Variants in PADI3 observed in about 807,000 individuals in gnomAD.
The protein encoded by PADI3 is protein-arginine deiminase type-3.
In PADI3, 53 loss-of-function variants were observed where a neutral mutation model predicts 71.5. The observed-to-expected ratio is 0.74, with a 90% CI of 0.59 to 0.93. The LOEUF is 0.93. Among genes scored for constraint, PADI3 ranks in the 40% least tolerant of loss-of-function variants. The pLI is 0.00. For synonymous variants in PADI3, 361 were observed against 347.5 expected, an observed-to-expected ratio of 1.04 and a Z score of -0.43; for missense variants, 821 against 868.0, an observed-to-expected ratio of 0.95 and a Z score of 0.68.
intron 2 of PADI3, among the ~76,000 whole-genome samples, chr1:17,261,228 C>T (rs995320301): frequency 1.3e-5 from 2 of 152,104 alleles, no homozygotes; most frequent in Admixed American, 1.3e-4. Flanking sequence ...ACTTGGATGC[C>T]TTGGATTCAT....
chr1:17,276,976 G>C, intron 13 of PADI3, 100 bp downstream of exon 13: 1 of 994,316 alleles, frequency 1.0e-6, no homozygotes, highest in Non-Finnish European at 1.5e-6. Context: ...TTTAAAGCAG[G>C]GGTGTGTCCC....
Position 17,250,666 on chromosome 1 carries a change from G to A in PADI3, c.92+1437G>A, listed in dbSNP as rs145140005. On this transcript the variant is annotated intron_variant, in intron 1 of 15. Transcript: ENST00000375460. ...GGTTCTTGAAGGAAGGGGCAGCCAC[G>A]GAGGCTGTGCCAAGGAGGTAATGAG... 7.3e-3 allele frequency among the ~76,000 whole-genome samples: 1,114 copies of A among 152,250 alleles called. 13 individuals are homozygous for A. Among genetic ancestry groups the A allele is most frequent in the African/African-American group, 0.024 (1,006 of 41,544 alleles).
intron 1 of PADI3, among the ~76,000 whole-genome samples, chr1:17,255,011 T>C (rs111616810): frequency 0.093 from 14,052 of 151,848 alleles, 693 homozygotes; most frequent in South Asian, 0.2. Flanking sequence ...CCACTGCGCC[T>C]GGCCCACCAG....
intron 1 of PADI3, among the ~76,000 whole-genome samples, chr1:17,249,486 G>T (rs1184403675): frequency 6.6e-6 from 1 of 152,186 alleles, no homozygotes; most frequent in East Asian, 1.9e-4. Flanking sequence ...GGGGCTTGGA[G>T]GGGGCTGGTG....
rs377010769 is a variant in PADI3, at chr1:17,270,319, G to T, written c.739G>T (p.Glu247Ter). The T allele has an allele frequency of 6.2e-7, 1 of 1,613,858 alleles. No individual in the cohort carries two copies. The highest frequency in any genetic ancestry group is 8.5e-7 in the Non-Finnish European group (1 of 1,180,006). The change falls in exon 7 of 16, where the codon GAG (glutamate) becomes TAG (stop). Residue 247 changes from glutamate to a stop codon, truncating the protein, a stop_gained. Transcript: ENST00000375460. LOFTEE classifies it high-confidence loss of function. ...YEVPRLHGDEERFFVEGLSFP... is the reference protein window; with the variant it reads ...YEVPRLHGDE The stretch of plus-strand genomic sequence containing the variant: ...GGTACCCCGCTTGCATGGGGATGAG[G>T]AGCGCTTCTTCGTGGAAGGCCTGTC...
intron 6 of PADI3, among the ~76,000 whole-genome samples, chr1:17,268,990 A>G (rs1347537774): frequency 6.6e-6 from 1 of 150,818 alleles, no homozygotes; most frequent in Admixed American, 6.6e-5. Context: ...GGCTCAAGCA[A>G]TCCTTCCACC....
At position 17,270,866 on chromosome 1, in the gene PADI3, T is replaced by C. The variant is rs1292665474; in HGVS notation, c.832-13T>C. 6.2e-6 allele frequency: 10 copies of C among 1,604,548 alleles called. No homozygotes were observed. The highest frequency in any genetic ancestry group is 1.1e-5 in the South Asian group (1 of 90,880). ...AAGTCCAGTGCTCTTTCTCCCCTGG[T>C]CTGCCCCTGCAGGATTTCTCGGCAT... On this transcript the variant is annotated splice_polypyrimidine_tract_variant and intron_variant, in intron 7 of 15. Transcript: ENST00000375460.
chr1:17,262,228 G>C, intron 3 of PADI3, 23 bp downstream of exon 3: 1 of 1,575,516 alleles, frequency 6.3e-7, no homozygotes, highest in Non-Finnish European at 8.6e-7. Flanking sequence ...CCATGTTGAT[G>C]GTGTGGCCAA....
chr1:17,280,588 A>G, intron 14 of PADI3, 83 bp from the exon 15 acceptor site: 2 of 1,592,542 alleles, frequency 1.3e-6, no homozygotes, highest in Non-Finnish European at 1.7e-6. Flanking sequence ...ACCCAGAAGA[A>G]GTGAGGGGAG....
Position 17,276,821 on chromosome 1 carries a change from C to T in PADI3, c.1500C>T (p.Phe500=), listed in dbSNP as rs758178874. Reference sequence around the variant, plus strand: ...GCCCTGGGGCCTGCTTCAAGCTCTTCCAGGAAAAGCAGAAGTGTGGCCACG... The same window carrying T: ...GCCCTGGGGCCTGCTTCAAGCTCTTTCAGGAAAAGCAGAAGTGTGGCCACG... ...LASPGACFKL[F]QEKQKCGHGR... is the part of the protein sequence containing the mutation. Residue 500 remains phenylalanine (F), a synonymous_variant, in exon 13 of 16, where the codon TTC becomes TTT. Coordinates refer to ENST00000375460, the MANE Select transcript of PADI3 (RefSeq NM_016233.2). 7 of 1,613,716 alleles carry T rather than the reference C, an allele frequency of 4.3e-6. No homozygotes were observed. Among genetic ancestry groups the T allele is most frequent in the Non-Finnish European group, 5.9e-6 (7 of 1,179,846 alleles).
At chr1:17,258,136 T>TC (rs1483768987) in intron 1 of PADI3, among the ~76,000 whole-genome samples, 2 of 152,286 alleles carry the variant, frequency 1.3e-5, no homozygotes. Flanking sequence ...TTGAGAGGAT[T>TC]GCATGATGGG....
chr1:17,273,476 T>C (rs755352201), intron 10 of PADI3, 29 bp downstream of exon 10: 1 of 1,462,572 alleles, frequency 6.8e-7, no homozygotes, highest in Admixed American at 1.7e-5. Context: ...AGCCCACCCC[T>C]GAGAGCTGAG....
intron 1 of PADI3, among the ~76,000 whole-genome samples, chr1:17,251,036 AC>A (rs1483605390): frequency 1.3e-5 from 2 of 151,994 alleles, no homozygotes; most frequent in Admixed American, 6.5e-5. Context: ...TGGTGGCCAA[AC>A]CCCCCAGGGG....
At chr1:17,249,500 C>T (rs982682979) in intron 1 of PADI3, among the ~76,000 whole-genome samples, 10 of 152,080 alleles carry the variant, frequency 6.6e-5, no homozygotes, top group Non-Finnish European at 1.3e-4. Context: ...GCTGGTGCCG[C>T]GAAGAGATGG....
chr1:17,270,730 C>A (rs1001064360), intron 7 of PADI3, 149 bp from the exon 8 acceptor site: 29 of 649,390 alleles, frequency 4.5e-5, no homozygotes, highest in Middle Eastern at 4.2e-4. Flanking sequence ...GTGTGAAAGA[C>A]CCCAGACTTC....
chr1:17,264,083 C>T lies in PADI3; in HGVS notation c.347-1576C>T, dbSNP rs140419939. Among the ~76,000 whole-genome samples, 1,149 of 152,308 alleles carry T rather than the reference C, an allele frequency of 7.5e-3. 15 individuals carry two copies. Among genetic ancestry groups the T allele is most frequent in the African/African-American group, 0.025 (1,055 of 41,566 alleles). On this transcript the variant is annotated intron_variant, in intron 3 of 15. Transcript: ENST00000375460. ...ATATTGCCAAACTGCTCTCCAAAAA[C>T]ACTGTATCAGTATACATGTCTGCCA...
rs372848428 is a variant in PADI3, at chr1:17,267,885, C to T, written c.575C>T (p.Ala192Val). The change falls in exon 6 of 16, where the codon GCC becomes GTC. Residue 192 changes from alanine to valine, a missense_variant. By Grantham distance (64) the Ala-to-Val change is moderately conservative. Transcript: ENST00000375460. ...VMVLRTQGPA[A>V]LFDDHKLVLH... Reference sequence around the variant, plus strand: ...GTCCTGCGGACGCAGGGCCCTGCAGCCCTCTTTGATGACCACAAACTTGTC... The same window carrying T: ...GTCCTGCGGACGCAGGGCCCTGCAGTCCTCTTTGATGACCACAAACTTGTC... 3.1e-6 allele frequency: 5 copies of T among 1,614,068 alleles called. No individual in the cohort carries two copies. The African/African-American group carries it at 6.7e-5, about 22-fold the overall frequency.
At position 17,276,550 on chromosome 1, in the gene PADI3, C is replaced by A; in HGVS notation, c.1339C>A (p.Arg447=). ...SSGRRVTQVV[R]DFLHAQKVQP... ...TGGCCGCAGGGTCACCCAGGTGGTG[C>A]GGGACTTCCTCCATGCCCAGAAGGT... The change falls in exon 12 of 16, where the codon CGG becomes AGG. Residue 447 remains arginine (R), a synonymous_variant. Coordinates refer to ENST00000375460, the MANE Select transcript of PADI3 (RefSeq NM_016233.2). 6.2e-7 allele frequency: 1 copy of A among 1,614,098 alleles called. No homozygotes were observed. The highest frequency in any genetic ancestry group is 8.5e-7 in the Non-Finnish European group (1 of 1,180,026).
At chr1:17,280,285 C>T in intron 13 of PADI3, 65 bp from the exon 14 acceptor site, 1 of 1,280,052 alleles carries the variant, frequency 7.8e-7, no homozygotes, top group Non-Finnish European at 1.1e-6. Flanking sequence ...TGTCTGCTTC[C>T]CTAAGCAGGT....
Sources: gnomAD v4.1 joint callset for allele counts (sites outside exome capture counted in the v4.1 genomes callset) on GRCh38, gnomAD v4.1.1 for gene constraint, MANE v1.5 for transcripts, NCBI Gene and HGNC (gene_info 2026-07-23, HGNC 2026-07-21) for gene names.